Variants in NPSR1 observed in about 807,000 individuals in gnomAD.
The protein encoded by NPSR1 is neuropeptide S receptor 1.
Under a neutral mutation model 46.9 loss-of-function variants are expected in NPSR1, and 48 were observed. That is an observed-to-expected ratio of 1.02 (90% CI 0.81 to 1.30). NPSR1 has a LOEUF of 1.30. NPSR1 is among the 50% of genes most tolerant of loss of function. The probability of loss-of-function intolerance (pLI) is 0.00; values close to 1 mark genes in which losing one functional copy is unlikely to be tolerated. For missense variants in NPSR1, 450 were observed against 449.5 expected, an observed-to-expected ratio of 1.00 and a Z score of -0.01; for synonymous variants, 176 against 168.1, an observed-to-expected ratio of 1.05 and a Z score of -0.36.
chr7:34,867,550 G>A (rs73693331), intron 8 of NPSR1, among the ~76,000 whole-genome samples: 8,246 of 151,894 alleles, frequency 0.054, 746 homozygotes, highest in African/African-American at 0.16. Flanking sequence ...GGGCCCACTG[G>A]AAACACATCC....
chr7:34,773,009 T>A (rs1340158298), intron 2 of NPSR1, among the ~76,000 whole-genome samples: 1 of 152,058 alleles, frequency 6.6e-6, no homozygotes, highest in Non-Finnish European at 1.5e-5. Context: ...CTGGCAGAAG[T>A]ACACTTCCTT....
intron 1 of NPSR1, among the ~76,000 whole-genome samples, chr7:34,673,609 A>G (rs912921597): frequency 5.9e-5 from 9 of 152,142 alleles, no homozygotes; most frequent in Admixed American, 2.0e-4. Context: ...CACATTCCCT[A>G]TTCTTCATGA....
chr7:34,783,663 A>G (rs1473241171), intron 3 of NPSR1, among the ~76,000 whole-genome samples: 1 of 152,190 alleles, frequency 6.6e-6, no homozygotes. Context: ...CAAGAAGGTC[A>G]GAAGTTTCTA....
chr7:34,848,211 A>T (rs1048719561), intron 7 of NPSR1, among the ~76,000 whole-genome samples: 10 of 152,242 alleles, frequency 6.6e-5, no homozygotes, highest in African/African-American at 2.4e-4. Flanking sequence ...TAAAGAATCC[A>T]CAGCAGTAGA....
chr7:34,850,071 TC>T (rs770122634), downstream of NPSR1: 255 of 855,604 alleles, frequency 3.0e-4, 1 homozygote, highest in Non-Finnish European at 3.3e-4. Context: ...CCCATATTTT[TC>T]CCCCAGTTTT....
chr7:34,814,100 C>T (rs1204846551), intron 4 of NPSR1, among the ~76,000 whole-genome samples: 1 of 152,202 alleles, frequency 6.6e-6, no homozygotes. Context: ...CAAAGCAGGG[C>T]AGGGCATCGC....
chr7:34,683,191 C>G (rs1359003942), intron 1 of NPSR1, among the ~76,000 whole-genome samples: 1 of 152,144 alleles, frequency 6.6e-6, no homozygotes, highest in Non-Finnish European at 1.5e-5. Context: ...CACCTATAAT[C>G]CCAGCACTTT....
intron 3 of NPSR1, among the ~76,000 whole-genome samples, chr7:34,780,959 C>T (rs1486270978): frequency 3.9e-5 from 6 of 152,128 alleles, no homozygotes; most frequent in Non-Finnish European, 1.5e-5. Context: ...GGGAAAACAA[C>T]AGACTAACCA....
chr7:34,856,388 C>T (rs1343746146), intron 8 of NPSR1, among the ~76,000 whole-genome samples: 2 of 151,686 alleles, frequency 1.3e-5, no homozygotes, highest in African/African-American at 4.9e-5. Context: ...GAAGGGAAAG[C>T]TTCCTTTTTG....
At chr7:34,668,011 T>C (rs1056348099) in intron 1 of NPSR1, among the ~76,000 whole-genome samples, 6 of 152,026 alleles carry the variant, frequency 3.9e-5, no homozygotes, top group Admixed American at 6.6e-5. Context: ...AATATTAATG[T>C]AAAATAAACT....
intron 2 of NPSR1, among the ~76,000 whole-genome samples, chr7:34,706,151 T>A (rs552853428): frequency 1.3e-5 from 2 of 152,060 alleles, no homozygotes; most frequent in Non-Finnish European, 2.9e-5. Flanking sequence ...TGATAGGTTA[T>A]CCAATTTTGT....
chr7:34,756,197 T>C (rs750816436), intron 2 of NPSR1, among the ~76,000 whole-genome samples: 1 of 152,160 alleles, frequency 6.6e-6, no homozygotes, highest in Non-Finnish European at 1.5e-5. Flanking sequence ...CCCTACTTCC[T>C]GTCCTAATTA....
intron 7 of NPSR1, among the ~76,000 whole-genome samples, chr7:34,846,584 T>G (rs1790748696): frequency 6.6e-6 from 1 of 152,092 alleles, no homozygotes; most frequent in Non-Finnish European, 1.5e-5. Flanking sequence ...AGAAGAATAA[T>G]GAAGTAGTCA....
At chr7:34,849,175 A>C in intron 8 of NPSR1, 3 of 624,856 alleles carry the variant, frequency 4.8e-6, no homozygotes, top group Non-Finnish European at 5.7e-6. Context: ...AGAATTCCAT[A>C]GGAGATACAA....
intron 2 of NPSR1, 48 bp from the exon 3 acceptor site, chr7:34,778,413 TA>T (rs1256525423): frequency 4.5e-6 from 5 of 1,123,450 alleles, no homozygotes; most frequent in African/African-American, 1.6e-5. Context: ...ATTTGAAAAA[TA>T]AAAATAAAAA....
At chr7:34,683,681 G>T (rs974140792) in intron 1 of NPSR1, among the ~76,000 whole-genome samples, 11 of 151,880 alleles carry the variant, frequency 7.2e-5, no homozygotes, top group African/African-American at 2.2e-4. Context: ...AAAGTGAGAG[G>T]GTGAGAGAGG....
At chr7:34,764,414 C>T (rs1047158866) in intron 2 of NPSR1, among the ~76,000 whole-genome samples, 3 of 152,212 alleles carry the variant, frequency 2.0e-5, no homozygotes, top group Admixed American at 6.5e-5. Context: ...ATCCATCCTG[C>T]AGCTTATTTT....
intron 8 of NPSR1, among the ~76,000 whole-genome samples, chr7:34,855,411 A>G (rs889071289): frequency 3.9e-5 from 6 of 152,122 alleles, no homozygotes; most frequent in African/African-American, 1.4e-4. Context: ...TCTTTAAATG[A>G]TATCACTATA....
At chr7:34,856,191 G>A (rs755271351) in intron 8 of NPSR1, among the ~76,000 whole-genome samples, 8 of 148,364 alleles carry the variant, frequency 5.4e-5, no homozygotes, top group Non-Finnish European at 4.4e-5. Flanking sequence ...AAGGTATATG[G>A]ATTCATAATA....
Sources: allele counts gnomAD v4.1 joint callset (sites outside exome capture counted in the v4.1 genomes callset), GRCh38; gene constraint gnomAD v4.1.1; transcripts MANE v1.5; gene names NCBI Gene and HGNC (gene_info 2026-07-23, HGNC 2026-07-21).